The following MID2 variants were observed in gnomAD, a reference collection of about 807,000 sequenced individuals.
MID2 encodes probable E3 ubiquitin-protein ligase MID2.
In MID2, 13 loss-of-function variants were observed where a neutral mutation model predicts 46.1. The ratio of observed to expected loss-of-function variants is 0.28; its 90% CI spans 0.18 to 0.45. The LOEUF is 0.45. Ranked by LOEUF, MID2 falls within the 20% of genes least tolerant of loss-of-function variation. The pLI, the probability that MID2 is intolerant of heterozygous loss-of-function variation, is 1.00. For synonymous variants in MID2, 199 were observed against 212.3 expected (o/e 0.94, Z 0.55); for missense variants, 431 against 575.4 (o/e 0.75, Z 2.57).
At chrX:107,851,767 G>A (rs4036984) in intron 2 of MID2, among the ~76,000 whole-genome samples, 33,470 of 110,137 alleles carry the variant, frequency 0.3, 6,993 homozygotes, top group African/African-American at 0.76. Context: ...TTCCAGCTGC[G>A]TCCCCCACTA....
At chrX:107,889,929 A>T (rs1354215895) in intron 3 of MID2, among the ~76,000 whole-genome samples, 1 of 111,652 alleles carries the variant, frequency 9.0e-6, no homozygotes, top group Non-Finnish European at 1.9e-5. Context: ...AGGCTTGTGC[A>T]TTCATCACAT....
At chrX:107,837,014 A>G (rs1931222461) in intron 1 of MID2, among the ~76,000 whole-genome samples, 1 of 111,350 alleles carries the variant, frequency 9.0e-6, no homozygotes, top group South Asian at 3.8e-4. Context: ...CCCCAGGAAA[A>G]ATGCATATAT....
At chrX:107,920,805 C>T (rs1270958754) in intron 7 of MID2, among the ~76,000 whole-genome samples, 1 of 112,077 alleles carries the variant, frequency 8.9e-6, no homozygotes, top group African/African-American at 3.2e-5. Flanking sequence ...CCAAATTCAC[C>T]TACTGTTAAT....
intron 1 of MID2, among the ~76,000 whole-genome samples, chrX:107,826,708 C>A (rs1165500390): frequency 8.8e-6 from 1 of 113,193 alleles, no homozygotes; most frequent in Non-Finnish European, 1.9e-5. Flanking sequence ...CGGGGGCGGC[C>A]GAGGCCTCTG....
chrX:107,905,484 A>C lies in MID2; in HGVS notation c.931A>C (p.Lys311Gln). 2 of 1,202,618 alleles carry C rather than the reference A, an allele frequency of 1.7e-6. No individual in the cohort carries two copies. The highest frequency in any genetic ancestry group is 2.2e-6 in the Non-Finnish European group (2 of 890,528). Residue 311 changes from lysine to glutamine, a missense_variant, in exon 5 of 10, where the codon AAA becomes CAA. Transcript: ENST00000262843. ...AVKIKETKVM[K>Q]LRKLAQQVAN... ...TTTTACTAATTCCTTAAAGGTTATG[A>C]AACTGAGAAAGTTGGCACAGCAGGT...
chrX:107,875,252 A>G (rs893768276), intron 3 of MID2, among the ~76,000 whole-genome samples: 1 of 111,782 alleles, frequency 8.9e-6, no homozygotes, highest in African/African-American at 3.3e-5. Flanking sequence ...CAGGTACTTG[A>G]GATAGCAGGG....
chrX:107,913,843 A>G (rs1486525157), intron 5 of MID2, among the ~76,000 whole-genome samples: 1 of 111,618 alleles, frequency 9.0e-6, no homozygotes, highest in Non-Finnish European at 1.9e-5. Context: ...ATTTCAGCAT[A>G]TTATTTCCCC....
intron 2 of MID2, among the ~76,000 whole-genome samples, chrX:107,848,632 G>A (rs1167349723): frequency 1.8e-5 from 2 of 111,297 alleles, no homozygotes; most frequent in African/African-American, 6.5e-5. Flanking sequence ...TACATCCAGT[G>A]TATCACCTTC....
chrX:107,839,441 G>A (rs1203707913), intron 1 of MID2, among the ~76,000 whole-genome samples: 2 of 105,739 alleles, frequency 1.9e-5, no homozygotes, highest in East Asian at 2.9e-4. Context: ...GCATGATCTC[G>A]GCTTACTGCA....
chrX:107,876,497 G>T (rs1183734060), intron 3 of MID2, among the ~76,000 whole-genome samples: 1 of 111,052 alleles, frequency 9.0e-6, no homozygotes, highest in African/African-American at 3.3e-5. Context: ...TAACTGAGAG[G>T]CTTAGTTCTG....
intron 2 of MID2, among the ~76,000 whole-genome samples, chrX:107,844,874 A>G (rs1034069672): frequency 4.5e-5 from 5 of 111,990 alleles, no homozygotes; most frequent in African/African-American, 1.6e-4. Context: ...CATCACAGCT[A>G]CGTCATAATC....
chrX:107,929,176 C>A lies in MID2; in HGVS notation c.*2103C>A, dbSNP rs964689772. On this transcript the variant is annotated 3_prime_UTR_variant, in exon 10 of 10. Coordinates refer to ENST00000262843, the MANE Select transcript of MID2 (RefSeq NM_012216.4). ...TGTGCCATAAATATTAATCTCTTTC[C>A]TTACTCCCAGCTCCAATACAGCGTA... 1.8e-5 allele frequency among the ~76,000 whole-genome samples: 2 copies of A among 111,969 alleles called. No individual in the cohort carries two copies. Among genetic ancestry groups the A allele is most frequent in the African/African-American group, 6.5e-5 (2 of 30,809 alleles).
intron 3 of MID2, 138 bp from the exon 4 acceptor site, chrX:107,903,820 T>C (rs1445848505): frequency 2.1e-6 from 1 of 467,376 alleles, no homozygotes; most frequent in East Asian, 3.7e-5. Context: ...TCATCATCTC[T>C]ACCCTTCTTC....
intron 7 of MID2, among the ~76,000 whole-genome samples, chrX:107,922,441 TC>T (rs983521709): frequency 8.9e-6 from 1 of 111,967 alleles, no homozygotes; most frequent in Non-Finnish European, 1.9e-5. Flanking sequence ...TCCCCAATTT[TC>T]CCATCTGTAT....
rs1933274074 is a variant in MID2 at position 107,931,131 on chromosome X, C to T, written c.*4058C>T. On this transcript the variant is annotated 3_prime_UTR_variant, in exon 10 of 10. Coordinates refer to ENST00000262843, the MANE Select transcript of MID2 (RefSeq NM_012216.4). ...ACTCTAGGTGAATTTTCTAAACTTCCATGGTTTACATATTTATATATGACT... is the reference window on the plus strand; with the variant it reads ...ACTCTAGGTGAATTTTCTAAACTTCTATGGTTTACATATTTATATATGACT... Among the ~76,000 whole-genome samples, 1 of 112,303 alleles carries T rather than the reference C, an allele frequency of 8.9e-6. No homozygotes were observed. The highest frequency in any genetic ancestry group is 3.2e-5 in the African/African-American group (1 of 30,941).
chrX:107,877,594 A>G (rs929551943), intron 3 of MID2, among the ~76,000 whole-genome samples: 1 of 112,112 alleles, frequency 8.9e-6, no homozygotes, highest in African/African-American at 3.2e-5. Flanking sequence ...GCCTGCACTC[A>G]TAAAACAAGG....
In MID2 at chrX:107,885,102, C is replaced by CTTATTTATTTAT. The variant is rs758914133; in HGVS notation, c.817-18837_817-18826dup. ...TTTTGTTTTTTTTCCAGGAGAATCT[C>CTTATTTATTTAT]TTATTTATTTATTTATTTATTTATT... On this transcript the variant is annotated intron_variant, in intron 3 of 9. Transcript: ENST00000262843. Among the ~76,000 whole-genome samples, 255 of 105,478 alleles carry CTTATTTATTTAT rather than the reference C, an allele frequency of 2.4e-3. 1 individual carries two copies. The highest frequency in any genetic ancestry group is 8.7e-3 in the African/African-American group (245 of 28,210). 91.6% of individuals were successfully genotyped at this position (105,478 alleles called of 115,157 possible).
chrX:107,854,966 A>G (rs5962414), intron 3 of MID2, among the ~76,000 whole-genome samples: 7,888 of 111,663 alleles, frequency 0.071, 715 homozygotes, highest in African/African-American at 0.24. Context: ...ACAGCAGGCA[A>G]TATGAAAATC....
At position 107,929,692 on chromosome X, in the gene MID2, C is replaced by T. The variant is rs1412021691; in HGVS notation, c.*2619C>T. Among the ~76,000 whole-genome samples, 1 of 111,314 alleles carries T rather than the reference C, an allele frequency of 9.0e-6. No homozygotes were observed. Reference sequence around the variant, plus strand: ...TTGTGGTGTCTTTTAGATTTTAGTGCCCTGGGACAAAGATCTAATTTCCCC... The same window carrying T: ...TTGTGGTGTCTTTTAGATTTTAGTGTCCTGGGACAAAGATCTAATTTCCCC... On this transcript the variant is annotated 3_prime_UTR_variant, in exon 10 of 10. Transcript: ENST00000262843.
Sources: gnomAD v4.1 joint callset for allele counts (sites outside exome capture counted in the v4.1 genomes callset) on GRCh38, gnomAD v4.1.1 for gene constraint, MANE v1.5 for transcripts, NCBI Gene and HGNC (gene_info 2026-07-23, HGNC 2026-07-21) for gene names.